Variants in CSMD1 observed in about 807,000 individuals in gnomAD.
The protein encoded by CSMD1 is CUB and sushi domain-containing protein 1.
A neutral mutation model predicts 417.5 loss-of-function variants in CSMD1; 213 were observed. The ratio of observed to expected loss-of-function variants is 0.51; its 90% confidence interval spans 0.46 to 0.57. CSMD1 has a LOEUF of 0.57. CSMD1 is among the 20% of genes least tolerant of loss of function. CSMD1 has a pLI of 0.00. For synonymous variants in CSMD1, 2,862 were observed against 1,736.8 expected, an observed-to-expected ratio of 1.65 and a Z score of -16.11; for missense variants, 6,923 against 4,529.7, an observed-to-expected ratio of 1.53 and a Z score of -15.17.
intron 6 of CSMD1, among the ~76,000 whole-genome samples, chr8:3,747,185 C>G (rs1797103411): frequency 6.6e-6 from 1 of 152,166 alleles, no homozygotes; most frequent in South Asian, 2.1e-4. Context: ...CATTTGCAAG[C>G]TGTATGACGA....
At chr8:4,767,468 G>T (rs1304173571) in intron 1 of CSMD1, among the ~76,000 whole-genome samples, 1 of 152,066 alleles carries the variant, frequency 6.6e-6, no homozygotes, top group African/African-American at 2.4e-5. Context: ...CTGGGGCTCT[G>T]CCTCCCTCAC....
chr8:4,625,889 A>G (rs61616511), intron 2 of CSMD1, among the ~76,000 whole-genome samples: 1 of 151,866 alleles, frequency 6.6e-6, no homozygotes, highest in Admixed American at 6.6e-5. Flanking sequence ...ACGCCTGGCT[A>G]ATTGTTGTAT....
At chr8:3,391,954 T>C (rs1022527128) in intron 17 of CSMD1, among the ~76,000 whole-genome samples, 4 of 152,102 alleles carry the variant, frequency 2.6e-5, no homozygotes, top group African/African-American at 9.7e-5. Context: ...TAAATCATTC[T>C]TGGGTCATGG....
intron 1 of CSMD1, among the ~76,000 whole-genome samples, chr8:4,886,841 T>A (rs1008254633): frequency 3.9e-5 from 6 of 152,116 alleles, no homozygotes; most frequent in Non-Finnish European, 7.4e-5. Context: ...TCTTCTGTCA[T>A]TTCAGATTTA....
intron 3 of CSMD1, among the ~76,000 whole-genome samples, chr8:4,106,978 C>G (rs139955099): frequency 1.3e-5 from 2 of 152,200 alleles, no homozygotes; most frequent in Admixed American, 6.5e-5. Context: ...GTCAGAGACT[C>G]AGCAGATGGG....
chr8:3,509,137 G>C (rs182006851), intron 10 of CSMD1, among the ~76,000 whole-genome samples: 1 of 152,252 alleles, frequency 6.6e-6, no homozygotes, highest in East Asian at 1.9e-4. Flanking sequence ...TTTACTCTAA[G>C]TATTCAGTAG....
intron 7 of CSMD1, among the ~76,000 whole-genome samples, chr8:3,655,170 A>T (rs10109027): frequency 0.013 from 2,018 of 152,332 alleles, 51 homozygotes; most frequent in African/African-American, 0.041. Flanking sequence ...ACTTTGTTCC[A>T]CAGGGAACAC....
chr8:3,052,951 G>A (rs1811964300), intron 49 of CSMD1, among the ~76,000 whole-genome samples: 1 of 151,754 alleles, frequency 6.6e-6, no homozygotes. Context: ...CACCATGCTG[G>A]CTAATTCTCT....
At chr8:4,629,358 G>C (rs1159777128) in intron 2 of CSMD1, among the ~76,000 whole-genome samples, 1 of 152,102 alleles carries the variant, frequency 6.6e-6, no homozygotes, top group Non-Finnish European at 1.5e-5. Flanking sequence ...ATTCAGAATG[G>C]CGAGCTATCA....
intron 5 of CSMD1, among the ~76,000 whole-genome samples, chr8:3,957,527 TA>T (rs916020768): frequency 2.7e-4 from 41 of 151,892 alleles, no homozygotes; most frequent in African/African-American, 9.9e-4. Context: ...AATAAAATTT[TA>T]AAAAAACTAG....
At chr8:4,767,653 A>C (rs1486479311) in intron 1 of CSMD1, among the ~76,000 whole-genome samples, 1 of 152,132 alleles carries the variant, frequency 6.6e-6, no homozygotes, top group Non-Finnish European at 1.5e-5. Context: ...TCGTTATTCT[A>C]CATTTAGCTA....
At chr8:4,465,391 A>T (rs1800103694) in intron 2 of CSMD1, among the ~76,000 whole-genome samples, 1 of 152,146 alleles carries the variant, frequency 6.6e-6, no homozygotes, top group African/African-American at 2.4e-5. Flanking sequence ...CATGGTTTGA[A>T]AGTCTATTTC....
chr8:3,438,083 C>A (rs936919603), intron 12 of CSMD1, among the ~76,000 whole-genome samples: 1 of 152,198 alleles, frequency 6.6e-6, no homozygotes, highest in African/African-American at 2.4e-5. Flanking sequence ...AGTAGAAAAG[C>A]TTCAGACTTA....
chr8:3,617,148 TAGAG>T (rs967928365), intron 7 of CSMD1, among the ~76,000 whole-genome samples: 9 of 152,160 alleles, frequency 5.9e-5, no homozygotes, highest in East Asian at 1.9e-4. Context: ...CGCATACACT[TAGAG>T]AGAAGAAAGT....
intron 3 of CSMD1, among the ~76,000 whole-genome samples, chr8:4,246,498 AG>A (rs1802717640): frequency 6.6e-6 from 1 of 152,222 alleles, no homozygotes. Context: ...GAGTTTTTAA[AG>A]AAAATTGTAA....
chr8:4,753,360 T>C (rs1001980651), intron 1 of CSMD1, among the ~76,000 whole-genome samples: 17 of 152,002 alleles, frequency 1.1e-4, no homozygotes, highest in East Asian at 7.7e-4. Flanking sequence ...TTTGTCGATA[T>C]TGTAAGGTCT....
At chr8:3,329,618 T>C (rs551893779) in intron 23 of CSMD1, among the ~76,000 whole-genome samples, 55 of 152,238 alleles carry the variant, frequency 3.6e-4, no homozygotes, top group Middle Eastern at 6.8e-3. Context: ...CCTTCACAGG[T>C]TGGAGCTCAG....
At chr8:4,374,684 C>T (rs1262741676) in intron 3 of CSMD1, among the ~76,000 whole-genome samples, 1 of 152,126 alleles carries the variant, frequency 6.6e-6, no homozygotes, top group African/African-American at 2.4e-5. Flanking sequence ...ATAAAGGTGG[C>T]ATTTAGGAAA....
At chr8:4,862,184 T>C (rs988465814) in intron 1 of CSMD1, among the ~76,000 whole-genome samples, 9 of 152,126 alleles carry the variant, frequency 5.9e-5, no homozygotes, top group South Asian at 4.1e-4. Context: ...TGGTTTATTG[T>C]TCCTTGAACC....
Sources: allele counts gnomAD v4.1 joint callset (sites outside exome capture counted in the v4.1 genomes callset), GRCh38; gene constraint gnomAD v4.1.1; transcripts MANE v1.5; gene names NCBI Gene and HGNC (gene_info 2026-07-23, HGNC 2026-07-21).